SEL1L3: variants seen among roughly 807,000 people sequenced by gnomAD.
SEL1L3 encodes SEL1L family member 3.
SEL1L3 carries 76 observed loss-of-function variants against 142.8 expected under a neutral mutation model. The observed-to-expected ratio is 0.53, with a 90% CI of 0.44 to 0.64. The LOEUF is 0.64. Ranked by LOEUF, SEL1L3 falls within the 30% of genes least tolerant of loss-of-function variation. The probability of loss-of-function intolerance (pLI) is 0.00; values close to 1 mark genes in which losing one functional copy is unlikely to be tolerated. For synonymous variants in SEL1L3, 504 were observed against 519.6 expected, an observed-to-expected ratio of 0.97 and a Z score of 0.41; for missense variants, 1,262 against 1,381.7, an observed-to-expected ratio of 0.91 and a Z score of 1.37.
intron 8 of SEL1L3, 128 bp downstream of exon 8, chr4:25,819,680 C>T (rs776459046): frequency 2.1e-4 from 167 of 808,430 alleles, no homozygotes; most frequent in South Asian, 3.8e-4. Flanking sequence ...CTCAAGGTCA[C>T]ACTTGTCCCA....
the SEL1L3 span, among the ~76,000 whole-genome samples, chr4:25,731,737 A>G: frequency 6.6e-6 from 1 of 152,036 alleles, no homozygotes; most frequent in African/African-American, 2.4e-5. Flanking sequence ...CTTCTTGTTC[A>G]TGGGCATTTG....
chr4:25,804,411 T>C, intron 10 of SEL1L3, 130 bp downstream of exon 10: 1 of 690,558 alleles, frequency 1.4e-6, no homozygotes, highest in Non-Finnish European at 2.5e-6. Flanking sequence ...AGGACATTTA[T>C]CTTGAGTGTA....
chr4:25,793,578 T>G (rs995504553), intron 11 of SEL1L3, among the ~76,000 whole-genome samples: 2 of 152,132 alleles, frequency 1.3e-5, no homozygotes, highest in East Asian at 3.9e-4. Context: ...CCTGCTGGAA[T>G]CACTGAGCTT....
At chr4:25,753,628 C>T (rs1037417084) in intron 23 of SEL1L3, among the ~76,000 whole-genome samples, 8 of 152,330 alleles carry the variant, frequency 5.3e-5, no homozygotes, top group East Asian at 1.9e-4. Flanking sequence ...CTCCATGCCT[C>T]GATTTCCCTG....
At chr4:25,730,830 A>G in the SEL1L3 span, among the ~76,000 whole-genome samples, 1 of 152,114 alleles carries the variant, frequency 6.6e-6, no homozygotes, top group African/African-American at 2.4e-5. Context: ...GGAGTTCAAG[A>G]CCAGCCTGGC....
rs1175102567 is a variant in SEL1L3 at position 25,776,375 on chromosome 4, G to A, written c.2586-15C>T. On this transcript the variant is annotated splice_polypyrimidine_tract_variant and intron_variant, in intron 16 of 23. Coordinates refer to ENST00000399878, the MANE Select transcript of SEL1L3 (RefSeq NM_015187.5). The stretch of plus-strand genomic sequence containing the variant: ...GTTTTGCCCATCTGAAAAAAAAAAG[G>A]GAAGAGAAAATACGCAAACCATGGC... 1 of 1,582,612 alleles carries A rather than the reference G, an allele frequency of 6.3e-7. No homozygotes were observed. The highest frequency in any genetic ancestry group is 8.7e-7 in the Non-Finnish European group (1 of 1,154,012).
the SEL1L3 span, among the ~76,000 whole-genome samples, chr4:25,724,047 G>T: frequency 6.6e-6 from 1 of 152,174 alleles, no homozygotes; most frequent in African/African-American, 2.4e-5. Flanking sequence ...TCCACAGCCC[G>T]GTAGGGCCCC....
intron 2 of SEL1L3, among the ~76,000 whole-genome samples, chr4:25,843,911 C>T (rs1716336619): frequency 6.6e-6 from 1 of 152,258 alleles, no homozygotes; most frequent in African/African-American, 2.4e-5. Flanking sequence ...CTTGGCAAAG[C>T]CAGCGATGGA....
intron 2 of SEL1L3, among the ~76,000 whole-genome samples, chr4:25,837,904 G>A (rs908233161): frequency 6.6e-6 from 1 of 152,154 alleles, no homozygotes; most frequent in South Asian, 2.1e-4. Context: ...AACAATACCA[G>A]TGCCATCCAC....
rs997597857 is a variant in SEL1L3 at position 25,786,327 on chromosome 4, C to T, written c.2217+1897G>A. On this transcript the variant is annotated intron_variant, in intron 13 of 23. Coordinates refer to ENST00000399878, the MANE Select transcript of SEL1L3 (RefSeq NM_015187.5). Reference sequence around the variant, plus strand: ...CTTGAGGATATCTTCTAGCCACAGGCGGAAATCTTCCCTGAGATGCTAGTA... The same window carrying T: ...CTTGAGGATATCTTCTAGCCACAGGTGGAAATCTTCCCTGAGATGCTAGTA... Among the ~76,000 whole-genome samples the T allele has an allele frequency of 1.4e-4, 21 of 152,286 alleles. No individual in the cohort carries two copies. In the East Asian group the frequency reaches 1.7e-3, roughly 13 times the overall value.
chr4:25,835,235 C>A lies in SEL1L3; in HGVS notation c.822G>T (p.Glu274Asp), dbSNP rs779340509. 1.2e-6 allele frequency: 2 copies of A among 1,614,012 alleles called. No homozygotes were observed. Among genetic ancestry groups the A allele is most frequent in the Admixed American group, 1.7e-5 (1 of 60,022 alleles). The change falls in exon 3 of 24, where the codon GAG becomes GAT. Residue 274 changes from glutamate to aspartate, a missense_variant. By Grantham distance (45) the Glu-to-Asp change is conservative (BLOSUM62 2). Coordinates refer to ENST00000399878, the MANE Select transcript of SEL1L3 (RefSeq NM_015187.5). Reference sequence around the variant, plus strand: ...TCCTCTGGCGTCGAGTGGCCTCCAGCTCTCGGTTCCGAAACCTCGGGAACT... The same window carrying A: ...TCCTCTGGCGTCGAGTGGCCTCCAGATCTCGGTTCCGAAACCTCGGGAACT... The part of the protein sequence containing the change: ...VKKFPRFRNR[E>D]LEATRRQRMD...
chr4:25,746,555 T>TA, downstream of SEL1L3, among the ~76,000 whole-genome samples: 1 of 144,876 alleles, frequency 6.9e-6, no homozygotes, highest in African/African-American at 2.5e-5. Flanking sequence ...AATGTATATA[T>TA]TTAAATATAT....
At chr4:25,746,520 A>ATATATATTTAAATATATATATTCAAATG (rs1384742706), downstream of SEL1L3, among the ~76,000 whole-genome samples, 1 of 138,918 alleles carries the variant, frequency 7.2e-6, no homozygotes, top group Non-Finnish European at 1.5e-5. Context: ...ATATATATAT[A>ATATATATTTAAATATATATATTCAAATG]TATATATTTA....
chr4:25,780,217 A>C (rs1369437983), intron 15 of SEL1L3, among the ~76,000 whole-genome samples: 3 of 151,820 alleles, frequency 2.0e-5, no homozygotes, highest in Admixed American at 2.0e-4. Flanking sequence ...CCTTCCAAAT[A>C]CATGTAGAAC....
intron 2 of SEL1L3, among the ~76,000 whole-genome samples, chr4:25,839,748 C>G (rs945804871): frequency 5.9e-5 from 9 of 152,304 alleles, no homozygotes; most frequent in African/African-American, 1.9e-4. Context: ...TCCCCTAAAC[C>G]TTTTCACGCT....
rs148078281 is a variant in SEL1L3 at position 25,788,936 on chromosome 4, G to C, written c.2077-572C>G. Among the ~76,000 whole-genome samples, 1,261 of 152,266 alleles carry C rather than the reference G, an allele frequency of 8.3e-3. 15 individuals carry two copies. Among genetic ancestry groups the C allele is most frequent in the African/African-American group, 0.029 (1,213 of 41,544 alleles). ...AGCTCAGCAGGTCATAGAAGCTGCT[G>C]AACAAAGACTTCTTAGTGAACAAAG... On this transcript the variant is annotated intron_variant, in intron 12 of 23. Transcript: ENST00000399878. The surrounding 1 kb of genome is among the most constrained non-coding windows in gnomAD (Gnocchi z 5.3).
chr4:25,858,721 G>C (rs1717443472), intron 1 of SEL1L3, among the ~76,000 whole-genome samples: 1 of 152,036 alleles, frequency 6.6e-6, no homozygotes, highest in Non-Finnish European at 1.5e-5. Flanking sequence ...AAGTAGCTGG[G>C]ATTATAGGTG....
chr4:25,802,421 C>G lies in SEL1L3; in HGVS notation c.1818G>C (p.Arg606Ser), dbSNP rs1560313286. 6.8e-6 allele frequency: 11 copies of G among 1,613,674 alleles called. No individual in the cohort carries two copies. The highest frequency in any genetic ancestry group is 2.7e-5 in the African/African-American group (2 of 74,866). The change falls in exon 11 of 24, where the codon AGG (arginine) becomes AGC (serine). Residue 606 changes from arginine (R) to serine (S), a missense_variant. By Grantham distance (110) the Arg-to-Ser change is moderately radical (BLOSUM62 -1). Coordinates refer to ENST00000399878, the MANE Select transcript of SEL1L3 (RefSeq NM_015187.5). ...YSLVGGQGSE[R>S]LSSMNLGYKH... ...TATACCCAAGATTCATTGAAGACAGCCTCTCACTCCCCTGGCCTCCAACCA... is the reference window on the plus strand; with the variant it reads ...TATACCCAAGATTCATTGAAGACAGGCTCTCACTCCCCTGGCCTCCAACCA...
At chr4:25,834,572 A>T (rs1271378058) in intron 3 of SEL1L3, among the ~76,000 whole-genome samples, 1 of 152,188 alleles carries the variant, frequency 6.6e-6, no homozygotes, top group Non-Finnish European at 1.5e-5. Context: ...GGTGCCACAC[A>T]GCTCCCTCCT....
Sources: gnomAD v4.1 joint callset for allele counts (sites outside exome capture counted in the v4.1 genomes callset) on GRCh38, gnomAD v4.1.1 for gene constraint, Gnocchi (gnomAD v3.1) non-coding constraint, MANE v1.5 for transcripts, NCBI Gene and HGNC (gene_info 2026-07-23, HGNC 2026-07-21) for gene names.